The following EGFL6 variants were observed in gnomAD, a reference collection of about 807,000 sequenced individuals.
The protein encoded by EGFL6 is EGF like domain multiple 6.
A neutral mutation model predicts 43.1 loss-of-function variants in EGFL6; 42 were observed. The ratio of observed to expected loss-of-function variants is 0.98; its 90% CI spans 0.76 to 1.26. The LOEUF (loss-of-function observed/expected upper bound fraction) is 1.26. Among genes scored for constraint, EGFL6 ranks in the 50% most tolerant of loss-of-function variants. EGFL6 has a pLI of 0.00. For missense variants in EGFL6, 429 were observed against 427.8 expected (o/e 1.00, Z -0.02); for synonymous variants, 164 against 163.2 (o/e 1.01, Z -0.04).
At position 13,597,990 on chromosome X, in the gene EGFL6, G is replaced by C. The variant is rs756591079; in HGVS notation, c.281-1985G>C. ...TGAGGGAGTGGTCCAGTTGGATCAAGTTTTGAGGCAGTCTGTTTTCTTCCC... is the reference window on the plus strand; with the variant it reads ...TGAGGGAGTGGTCCAGTTGGATCAACTTTTGAGGCAGTCTGTTTTCTTCCC... On this transcript the variant is annotated intron_variant, in intron 3 of 11. Transcript: ENST00000361306. Among the ~76,000 whole-genome samples, 5 of 112,122 alleles carry C rather than the reference G, an allele frequency of 4.5e-5. No homozygotes were observed. In the East Asian group the frequency reaches 1.4e-3, roughly 31 times the overall value.
intron 1 of EGFL6, among the ~76,000 whole-genome samples, chrX:13,573,460 T>C (rs939688530): frequency 2.7e-5 from 3 of 112,544 alleles, no homozygotes; most frequent in Non-Finnish European, 5.6e-5. Context: ...TGGGCAGCCT[T>C]ATTTCAATAG....
intron 10 of EGFL6, among the ~76,000 whole-genome samples, chrX:13,625,904 GAAAAAGAAAAAA>G (rs2045777980): frequency 7.3e-5 from 2 of 27,249 alleles, no homozygotes; most frequent in Non-Finnish European, 1.4e-4. Context: ...AAAAAAAAAA[GAAAAAGAAAAAA>G]AGAAAAGAGA....
At chrX:13,571,612 A>G (rs926111425) in intron 1 of EGFL6, among the ~76,000 whole-genome samples, 3 of 111,957 alleles carry the variant, frequency 2.7e-5, no homozygotes, top group Non-Finnish European at 5.6e-5. Flanking sequence ...CCACCAAATT[A>G]AATTAAAAGC....
intron 9 of EGFL6, among the ~76,000 whole-genome samples, chrX:13,622,674 A>G (rs1447821179): frequency 8.9e-6 from 1 of 112,333 alleles, no homozygotes; most frequent in Non-Finnish European, 1.9e-5. Context: ...TTTGTAGGCC[A>G]TAAACTACTT....
chrX:13,609,764 A>AAAAT (rs1164192919), intron 7 of EGFL6, among the ~76,000 whole-genome samples: 3 of 111,292 alleles, frequency 2.7e-5, no homozygotes, highest in Non-Finnish European at 3.8e-5. Flanking sequence ...AAAAAATTAA[A>AAAAT]AAATAAATAA....
intron 1 of EGFL6, 121 bp downstream of exon 1, chrX:13,570,056 G>C (rs1304107608): frequency 1.6e-5 from 11 of 676,450 alleles, no homozygotes; most frequent in Non-Finnish European, 2.5e-5. Flanking sequence ...GTGCCTGTGC[G>C]CGCTGCGACG....
intron 1 of EGFL6, among the ~76,000 whole-genome samples, chrX:13,583,073 G>A (rs36008953): frequency 0.13 from 14,639 of 109,819 alleles, 822 homozygotes; most frequent in Middle Eastern, 0.2. Context: ...GAAGCCTGCA[G>A]GAGGGACACA....
intron 1 of EGFL6, among the ~76,000 whole-genome samples, chrX:13,580,103 A>T (rs1202548080): frequency 9.0e-6 from 1 of 111,722 alleles, no homozygotes; most frequent in African/African-American, 3.3e-5. Flanking sequence ...GCATCAGATC[A>T]TTTATGGACA....
chrX:13,589,186 G>C (rs2045549378), intron 1 of EGFL6, among the ~76,000 whole-genome samples: 1 of 112,027 alleles, frequency 8.9e-6, no homozygotes, highest in Non-Finnish European at 1.9e-5. Flanking sequence ...GCAGAGCTCT[G>C]GTCTGGGACA....
intron 6 of EGFL6, 68 bp from the exon 7 acceptor site, chrX:13,608,256 A>G: frequency 8.6e-7 from 1 of 1,168,727 alleles, no homozygotes; most frequent in Non-Finnish European, 1.2e-6. Flanking sequence ...ACAGTTGATC[A>G]AGTGTAAGGG....
At chrX:13,588,929 G>A (rs1251965748) in intron 1 of EGFL6, among the ~76,000 whole-genome samples, 1 of 111,813 alleles carries the variant, frequency 8.9e-6, no homozygotes. Context: ...AATGTTTGCC[G>A]ATCTCTGCTC....
intron 2 of EGFL6, among the ~76,000 whole-genome samples, chrX:13,593,972 A>G (rs1319102759): frequency 2.7e-5 from 3 of 111,417 alleles, no homozygotes; most frequent in African/African-American, 6.5e-5. Context: ...CTTTCCTATT[A>G]TGGCTATTTC....
intron 7 of EGFL6, among the ~76,000 whole-genome samples, 192 bp from the exon 8 acceptor site, chrX:13,617,538 T>C (rs1269990645): frequency 1.8e-5 from 2 of 112,166 alleles, no homozygotes; most frequent in Admixed American, 9.4e-5. Context: ...TTAAGATAAC[T>C]ACCATAACAG....
chrX:13,577,300 ATATATATATATATATATATATATAT>A (rs1569200959), intron 1 of EGFL6, among the ~76,000 whole-genome samples: 225 of 80,549 alleles, frequency 2.8e-3, no homozygotes, highest in Middle Eastern at 5.6e-3. Flanking sequence ...TATGAATTTT[ATATATATATATATATATATATATAT>A]ATATATATAT....
At chrX:13,604,846 A>G (rs188839408) in intron 5 of EGFL6, among the ~76,000 whole-genome samples, 1 of 112,193 alleles carries the variant, frequency 8.9e-6, no homozygotes, top group Non-Finnish European at 1.9e-5. Context: ...CTTCTTCACT[A>G]CAATAGAAAT....
Position 13,623,837 on chromosome X carries a change from G to T in EGFL6, c.1197G>T (p.Ser399=), listed in dbSNP as rs780017714. Residue 399 remains serine (S), a synonymous_variant, in exon 10 of 12, where the codon TCG becomes TCT. Transcript: ENST00000361306. The part of the protein sequence containing the change: ...SKLEHKDLNI[S]VDCSFNHGIC... ...TCTTTTTAGCAGATTTAAATATCTCGGTTGACTGCAGCTTCAATCATGGGA... is the reference window on the plus strand; with the variant it reads ...TCTTTTTAGCAGATTTAAATATCTCTGTTGACTGCAGCTTCAATCATGGGA... 1.6e-5 allele frequency: 19 copies of T among 1,203,648 alleles called. No homozygotes were observed. Among genetic ancestry groups the T allele is most frequent in the Admixed American group, 8.8e-5 (4 of 45,547 alleles).
chrX:13,623,068 AGTC>A (rs2045756731), intron 9 of EGFL6, among the ~76,000 whole-genome samples: 1 of 110,348 alleles, frequency 9.1e-6, no homozygotes, highest in Non-Finnish European at 1.9e-5. Context: ...ATGTGTCCAT[AGTC>A]CCAGCTACTC....
chrX:13,573,228 G>A (rs1285370097), intron 1 of EGFL6, among the ~76,000 whole-genome samples: 3 of 111,761 alleles, frequency 2.7e-5, no homozygotes, highest in African/African-American at 9.8e-5. Flanking sequence ...GGGTGGGGGC[G>A]TTATTCAGCC....
chrX:13,581,286 G>A (rs138791512), intron 1 of EGFL6, among the ~76,000 whole-genome samples: 1,551 of 111,912 alleles, frequency 0.014, 29 homozygotes, highest in African/African-American at 0.048. Context: ...TTTTCACTGG[G>A]CACATAAGCC....
Sources: allele counts gnomAD v4.1 joint callset (sites outside exome capture counted in the v4.1 genomes callset), GRCh38; gene constraint gnomAD v4.1.1; transcripts MANE v1.5; gene names NCBI Gene and HGNC (gene_info 2026-07-23, HGNC 2026-07-21).